CNTNAP5: variants seen among roughly 807,000 people sequenced by gnomAD.
CNTNAP5 encodes the protein contactin associated protein family member 5, also known as contactin-associated protein-like 5.
Under a neutral mutation model 150.2 loss-of-function variants are expected in CNTNAP5, and 72 were observed. That is an observed-to-expected ratio of 0.48 (90% CI 0.40 to 0.58). The LOEUF is 0.58. Among genes scored for constraint, CNTNAP5 ranks in the 20% least tolerant of loss-of-function variants. CNTNAP5 has a pLI of 0.00. For synonymous variants in CNTNAP5, 672 were observed against 619.8 expected (o/e 1.08, Z -1.25); for missense variants, 1,636 against 1,626.2 (o/e 1.01, Z -0.10).
At chr2:124,892,362 G>A (rs1485535069) in intron 21 of CNTNAP5, among the ~76,000 whole-genome samples, 1 of 152,016 alleles carries the variant, frequency 6.6e-6, no homozygotes, top group Admixed American at 6.6e-5. Context: ...AATCCCTTAG[G>A]GGTTCCTTGC....
intron 3 of CNTNAP5, among the ~76,000 whole-genome samples, chr2:124,247,262 C>T (rs1687053416): frequency 6.6e-6 from 1 of 152,246 alleles, no homozygotes; most frequent in East Asian, 1.9e-4. Flanking sequence ...AATCTCATCA[C>T]CATCAATATA....
At chr2:124,032,017 C>G (rs1036972851) in intron 1 of CNTNAP5, among the ~76,000 whole-genome samples, 2 of 152,084 alleles carry the variant, frequency 1.3e-5, no homozygotes, top group Admixed American at 6.6e-5. Context: ...TTGCTAAACT[C>G]AAGTTTGTCT....
chr2:124,482,383 T>A lies in CNTNAP5; in HGVS notation c.1062+7501T>A, dbSNP rs1221417232. On this transcript the variant is annotated intron_variant, in intron 7 of 23. Transcript: ENST00000682447. ...AGGATTAGGGAAAGTCAATGATATA[T>A]ATTAGTGGCTGTGCCTTTCACAGTC... 2.6e-5 allele frequency among the ~76,000 whole-genome samples: 4 copies of A among 152,282 alleles called. No homozygotes were observed. In the East Asian group the frequency reaches 5.8e-4, roughly 22 times the overall value.
At chr2:124,532,844 A>G (rs918971450) in intron 10 of CNTNAP5, among the ~76,000 whole-genome samples, 2 of 152,170 alleles carry the variant, frequency 1.3e-5, no homozygotes, top group African/African-American at 2.4e-5. Context: ...GTTCAATTGC[A>G]TGACTGGAAT....
At chr2:124,713,223 C>G (rs1162834060) in intron 13 of CNTNAP5, among the ~76,000 whole-genome samples, 1 of 31,574 alleles carries the variant, frequency 3.2e-5, no homozygotes. Context: ...TTCTCTGTTT[C>G]TTTCTTTCTT....
intron 11 of CNTNAP5, among the ~76,000 whole-genome samples, chr2:124,588,693 A>G (rs144718906): frequency 2.6e-5 from 4 of 152,322 alleles, no homozygotes; most frequent in African/African-American, 4.8e-5. Context: ...GGTGACGTCA[A>G]TGTAATAAGA....
At chr2:124,815,942 C>T (rs562487799) in intron 19 of CNTNAP5, among the ~76,000 whole-genome samples, 1 of 152,258 alleles carries the variant, frequency 6.6e-6, no homozygotes, top group East Asian at 1.9e-4. Flanking sequence ...TAAGGGACCA[C>T]TATAAACTTA....
chr2:124,151,378 G>A (rs72980513), intron 1 of CNTNAP5, among the ~76,000 whole-genome samples: 11 of 152,168 alleles, frequency 7.2e-5, no homozygotes, highest in African/African-American at 9.6e-5. Flanking sequence ...CCTTCTCTAC[G>A]CTTCCTCATG....
chr2:124,374,507 A>G (rs1213056214), intron 3 of CNTNAP5, among the ~76,000 whole-genome samples: 2 of 152,126 alleles, frequency 1.3e-5, no homozygotes, highest in Non-Finnish European at 2.9e-5. Flanking sequence ...ATTTGAGCAG[A>G]TGCTCTGAAA....
intron 11 of CNTNAP5, among the ~76,000 whole-genome samples, chr2:124,588,446 A>C (rs1232772424): frequency 6.6e-6 from 1 of 151,906 alleles, no homozygotes; most frequent in Non-Finnish European, 1.5e-5. Context: ...GGTCTGAGGA[A>C]CATACTCAGG....
At chr2:124,902,411 T>G (rs1678432242) in intron 21 of CNTNAP5, among the ~76,000 whole-genome samples, 1 of 152,174 alleles carries the variant, frequency 6.6e-6, no homozygotes, top group African/African-American at 2.4e-5. Flanking sequence ...AGGACAACAT[T>G]GACTTCTAAT....
chr2:124,663,097 C>G (rs919273225), intron 13 of CNTNAP5, among the ~76,000 whole-genome samples: 1 of 152,110 alleles, frequency 6.6e-6, no homozygotes, highest in African/African-American at 2.4e-5. Context: ...TACCAAGGAA[C>G]AAACGCATGT....
intron 19 of CNTNAP5, among the ~76,000 whole-genome samples, chr2:124,814,411 C>A (rs895969459): frequency 6.6e-6 from 1 of 152,138 alleles, no homozygotes; most frequent in Non-Finnish European, 1.5e-5. Context: ...GAAATTGTCA[C>A]AAGCACTGTT....
intron 19 of CNTNAP5, among the ~76,000 whole-genome samples, chr2:124,857,067 T>C (rs1677390485): frequency 1.3e-5 from 2 of 152,098 alleles, no homozygotes; most frequent in South Asian, 4.1e-4. Flanking sequence ...GGGCAAATGG[T>C]TTCCACTGTA....
rs1196375844 is a variant in CNTNAP5, at chr2:124,530,794, C to T, written c.1649+3338C>T. Among the ~76,000 whole-genome samples the T allele has an allele frequency of 6.9e-4, 105 of 152,084 alleles. 2 individuals are homozygous for T. Among genetic ancestry groups the T allele is most frequent in the Non-Finnish European group, 1.3e-4 (9 of 68,036 alleles). ...TAAACCTCTAGGACACAGTGTGCAG[C>T]TGCTGCCCCTCTTCTGCAGGCCAAA... On this transcript the variant is annotated intron_variant, in intron 10 of 23. Transcript: ENST00000682447.
At chr2:124,129,981 A>C (rs1683808064) in intron 1 of CNTNAP5, among the ~76,000 whole-genome samples, 1 of 152,262 alleles carries the variant, frequency 6.6e-6, no homozygotes, top group African/African-American at 2.4e-5. Context: ...GGAAAGAAGG[A>C]TCTTTTGGCA....
intron 19 of CNTNAP5, among the ~76,000 whole-genome samples, chr2:124,804,326 G>A (rs949124692): frequency 6.6e-6 from 1 of 152,186 alleles, no homozygotes; most frequent in African/African-American, 2.4e-5. Context: ...GGGTGGGCCT[G>A]ACTGGAGAAA....
chr2:124,865,056 AT>A (rs1451239256), intron 19 of CNTNAP5, among the ~76,000 whole-genome samples: 3 of 151,146 alleles, frequency 2.0e-5, no homozygotes, highest in Non-Finnish European at 4.4e-5. Flanking sequence ...CTAAACTGGC[AT>A]TTTGGTTTGT....
intron 1 of CNTNAP5, among the ~76,000 whole-genome samples, chr2:124,177,002 T>C (rs1007570018): frequency 3.3e-5 from 5 of 151,870 alleles, no homozygotes; most frequent in African/African-American, 1.2e-4. Flanking sequence ...TGCATCACCA[T>C]GCCTGGCTAA....
Sources: gnomAD v4.1 joint callset for allele counts (sites outside exome capture counted in the v4.1 genomes callset) on GRCh38, gnomAD v4.1.1 for gene constraint, MANE v1.5 for transcripts, NCBI Gene and HGNC (gene_info 2026-07-23, HGNC 2026-07-21) for gene names.